Variants in NTM observed in about 807,000 individuals in gnomAD.
NTM encodes the protein neurotrimin.
NTM carries 13 observed loss-of-function variants against 42.1 expected under a neutral mutation model. The ratio of observed to expected loss-of-function variants is 0.31; its 90% CI spans 0.20 to 0.49. NTM has a LOEUF of 0.49. Ranked by LOEUF, NTM falls within the 20% of genes least tolerant of loss-of-function variation. NTM has a pLI of 0.99. For synonymous variants in NTM, 187 were observed against 179.2 expected (o/e 1.04, Z -0.35); for missense variants, 373 against 452.8 (o/e 0.82, Z 1.60).
At chr11:131,751,540 A>G (rs11222770) in intron 1 of NTM, among the ~76,000 whole-genome samples, 5,244 of 151,236 alleles carry the variant, frequency 0.035, 132 homozygotes, top group South Asian at 0.081. Flanking sequence ...CAGTGGGCCG[A>G]GATACTGCCA....
intron 2 of NTM, among the ~76,000 whole-genome samples, chr11:131,926,929 T>C (rs1208824284): frequency 1.3e-5 from 2 of 152,240 alleles, no homozygotes; most frequent in Non-Finnish European, 2.9e-5. Flanking sequence ...TGATATCCAA[T>C]TTGACGTTTT....
rs180813369 is a variant in NTM, at chr11:131,696,330, G to A, written c.83-215234G>A. ...AAGGCTTGATGATATGCTTTTGTAT[G>A]GGAGTCTCAAGTTGCTTGAGTTAAG... On this transcript the variant is annotated intron_variant, in intron 1 of 8. Coordinates refer to ENST00000683400, the MANE Select transcript of NTM (RefSeq NM_001352005.2). Among the ~76,000 whole-genome samples the A allele has an allele frequency of 1.8e-3, 268 of 152,272 alleles. 1 individual carries two copies. Among genetic ancestry groups the A allele is most frequent in the Admixed American group, 2.9e-3 (44 of 15,298 alleles).
intron 2 of NTM, among the ~76,000 whole-genome samples, chr11:131,938,373 G>C (rs2059448580): frequency 6.6e-6 from 1 of 152,164 alleles, no homozygotes; most frequent in Admixed American, 6.5e-5. Context: ...GGGAAAACAA[G>C]TATGAAGCTG....
At chr11:131,602,208 C>G (rs888440032) in intron 1 of NTM, among the ~76,000 whole-genome samples, 1 of 152,156 alleles carries the variant, frequency 6.6e-6, no homozygotes, top group Non-Finnish European at 1.5e-5. Context: ...GTGAATAGAT[C>G]CTGCCAAAAT....
At chr11:131,817,317 T>C (rs189101361) in intron 1 of NTM, among the ~76,000 whole-genome samples, 2 of 152,336 alleles carry the variant, frequency 1.3e-5, no homozygotes, top group Admixed American at 1.3e-4. Flanking sequence ...ACCTGACATT[T>C]AAGACTAACA....
At chr11:131,996,977 C>T (rs1392936923) in intron 2 of NTM, among the ~76,000 whole-genome samples, 1 of 152,200 alleles carries the variant, frequency 6.6e-6, no homozygotes, top group African/African-American at 2.4e-5. Flanking sequence ...TCTCTCCTTC[C>T]CAGCCTGGAC....
intron 1 of NTM, among the ~76,000 whole-genome samples, chr11:131,426,554 G>A (rs1948153272): frequency 6.6e-6 from 1 of 152,222 alleles, no homozygotes; most frequent in African/African-American, 2.4e-5. Flanking sequence ...ATCTCTTTGG[G>A]GACTTGGAAA....
chr11:131,701,107 C>T (rs993213359), intron 1 of NTM, among the ~76,000 whole-genome samples: 2 of 152,120 alleles, frequency 1.3e-5, no homozygotes, highest in African/African-American at 4.8e-5. Context: ...AGTTGGTGGA[C>T]AGTATAATAT....
At chr11:131,397,994 T>C (rs1043711125) in intron 1 of NTM, among the ~76,000 whole-genome samples, 2 of 152,220 alleles carry the variant, frequency 1.3e-5, no homozygotes, top group Admixed American at 6.5e-5. Context: ...TAAAATTTAT[T>C]CTTTCAAAGG....
intron 2 of NTM, among the ~76,000 whole-genome samples, chr11:131,964,355 G>A (rs1463634849): frequency 1.3e-5 from 2 of 152,244 alleles, no homozygotes; most frequent in East Asian, 1.9e-4. Flanking sequence ...TTTGTTTTCC[G>A]TGTATTTTTA....
At chr11:131,769,998 T>A (rs1451793413) in intron 1 of NTM, among the ~76,000 whole-genome samples, 1 of 152,100 alleles carries the variant, frequency 6.6e-6, no homozygotes, top group Non-Finnish European at 1.5e-5. Context: ...GGCTGACCAG[T>A]CAGGCAGATC....
intron 1 of NTM, among the ~76,000 whole-genome samples, chr11:131,687,558 C>T (rs868575206): frequency 2.8e-4 from 42 of 152,314 alleles, no homozygotes; most frequent in African/African-American, 9.1e-4. Flanking sequence ...CTTCCCTGTC[C>T]ACCTCACCTT....
chr11:131,868,726 C>T (rs927037950), intron 1 of NTM, among the ~76,000 whole-genome samples: 1 of 152,136 alleles, frequency 6.6e-6, no homozygotes, highest in African/African-American at 2.4e-5. Flanking sequence ...TTCCAAATGA[C>T]TCCTCAAATC....
chr11:132,179,925 T>G (rs2077318939), intron 3 of NTM, among the ~76,000 whole-genome samples: 1 of 152,194 alleles, frequency 6.6e-6, no homozygotes, highest in Non-Finnish European at 1.5e-5. Flanking sequence ...TTGATCCTGG[T>G]ATGCTTCTTA....
intron 3 of NTM, among the ~76,000 whole-genome samples, chr11:132,211,207 C>A (rs762658635): frequency 6.6e-6 from 1 of 152,146 alleles, no homozygotes; most frequent in Non-Finnish European, 1.5e-5. Context: ...AGTTTGAGAC[C>A]AGTCTGGGCA....
rs752103248 is a variant in NTM, at chr11:132,146,379, G to A, written c.265G>A (p.Val89Ile). ...NDKWCLDPRV[V>I]LLSNTQTQYS... ...CAAGTGGTGCCTGGATCCTCGCGTG[G>A]TCCTTCTGAGCAACACCCAAACGCA... The change falls in exon 3 of 9, where the codon GTC becomes ATC. Residue 89 changes from valine to isoleucine, a missense_variant. Coordinates refer to ENST00000683400, the MANE Select transcript of NTM (RefSeq NM_001352005.2). This position sits in a 1 kb window ranked among gnomAD's most constrained non-coding sequence, Gnocchi z 4.5. The A allele has an allele frequency of 2.5e-6, 4 of 1,614,066 alleles. No individual in the cohort carries two copies. Among genetic ancestry groups the A allele is most frequent in the East Asian group, 2.2e-5 (1 of 44,868 alleles).
intron 2 of NTM, among the ~76,000 whole-genome samples, chr11:131,952,479 A>G (rs893796218): frequency 6.6e-6 from 1 of 152,350 alleles, no homozygotes; most frequent in African/African-American, 2.4e-5. Flanking sequence ...ATCAATGCAT[A>G]CATACTTATG....
intron 3 of NTM, among the ~76,000 whole-genome samples, chr11:132,160,950 C>T (rs1019378506): frequency 1.3e-5 from 2 of 152,144 alleles, no homozygotes; most frequent in East Asian, 3.9e-4. Context: ...AAAGCCCTGC[C>T]GGTGACTTCG....
At chr11:132,169,311 A>AT (rs1319753683) in intron 3 of NTM, among the ~76,000 whole-genome samples, 1 of 47,146 alleles carries the variant, frequency 2.1e-5, no homozygotes, top group East Asian at 3.2e-4. Context: ...TCTAGGTTTA[A>AT]TTTTTTTACT....
Sources: allele counts gnomAD v4.1 joint callset (sites outside exome capture counted in the v4.1 genomes callset), GRCh38; gene constraint gnomAD v4.1.1; non-coding constraint Gnocchi (gnomAD v3.1); transcripts MANE v1.5; gene names NCBI Gene and HGNC (gene_info 2026-07-23, HGNC 2026-07-21).